OSTF1: variants seen among roughly 807,000 people sequenced by gnomAD.
OSTF1 encodes the protein osteoclast stimulating factor 1, also known as osteoclast-stimulating factor 1.
In OSTF1, 27 loss-of-function variants were observed where a neutral mutation model predicts 37.2. The observed-to-expected ratio is 0.73, with a 90% CI of 0.54 to 1.00. The LOEUF is 1.00. Ranked by LOEUF, OSTF1 falls within the 50% of genes least tolerant of loss-of-function variation. OSTF1 has a pLI of 0.00. For missense variants in OSTF1, 232 were observed against 253.8 expected (o/e 0.91, Z 0.58); for synonymous variants, 82 against 89.2 (o/e 0.92, Z 0.46).
At chr9:75,135,348 T>TA (rs201464611) in intron 7 of OSTF1, among the ~76,000 whole-genome samples, 2,640 of 152,328 alleles carry the variant, frequency 0.017, 85 homozygotes, top group African/African-American at 0.06. Flanking sequence ...CTTTTTCTCT[T>TA]GCTAAGAGTA....
intron 5 of OSTF1, among the ~76,000 whole-genome samples, chr9:75,132,496 A>G (rs535539105): frequency 6.8e-4 from 104 of 152,258 alleles, no homozygotes; most frequent in African/African-American, 2.4e-3. Context: ...TTTTGGGGAG[A>G]GGCAGGCGTT....
intron 9 of OSTF1, among the ~76,000 whole-genome samples, 165 bp from the exon 10 acceptor site, chr9:75,146,518 T>TTTGCTTTTCA (rs1826027341): frequency 2.0e-5 from 3 of 152,176 alleles, no homozygotes; most frequent in African/African-American, 4.8e-5. Context: ...AGAAACTTAA[T>TTTGCTTTTCA]GGTTAGGCTG....
intron 2 of OSTF1, among the ~76,000 whole-genome samples, chr9:75,126,651 T>C (rs943106034): frequency 2.0e-5 from 3 of 152,258 alleles, no homozygotes; most frequent in African/African-American, 7.2e-5. Context: ...TGGAGTGCAG[T>C]GGCGTGATCT....
At chr9:75,090,292 CAG>C (rs1168261575) in intron 1 of OSTF1, among the ~76,000 whole-genome samples, 16 of 122,258 alleles carry the variant, frequency 1.3e-4, no homozygotes, top group Non-Finnish European at 2.6e-4. Flanking sequence ...GGGACATTGA[CAG>C]GTGTGTGTGT....
rs1004588014 is a variant in OSTF1 at position 75,146,809 on chromosome 9, A to G, written c.*68A>G. On this transcript the variant is annotated 3_prime_UTR_variant, in exon 10 of 10. Transcript: ENST00000346234. ...GCCATTCCAAAACTTTGTCTTTGCC[A>G]GAAAAGTGTTGGTAACTATAAAGAA... 15 of 1,179,448 alleles carry G rather than the reference A, an allele frequency of 1.3e-5. No homozygotes were observed. In the African/African-American group the frequency reaches 2.2e-4, roughly 17 times the overall value. The allele number at this position is 1,179,448 out of a possible 1,614,324, so 73.1% of individuals were successfully genotyped here.
chr9:75,102,926 TC>T (rs1190531314), intron 1 of OSTF1, among the ~76,000 whole-genome samples: 4 of 152,196 alleles, frequency 2.6e-5, no homozygotes, highest in Non-Finnish European at 4.4e-5. Context: ...CAATTTTTTT[TC>T]ATGATGAAGT....
rs1230270203 is a variant in OSTF1, at chr9:75,115,641, TTTTG to T, written c.35-1859_35-1856del. On this transcript the variant is annotated intron_variant, in intron 1 of 9. Transcript: ENST00000346234. The stretch of plus-strand genomic sequence containing the variant: ...TTTATTAAAAGAGGACCCCCCCTTT[TTTTG>T]TTTTTTTTTTGTTTTTTGTTTTTTT... 8.4e-4 allele frequency among the ~76,000 whole-genome samples: 78 copies of T among 92,544 alleles called. 1 individual carries two copies. Among genetic ancestry groups the T allele is most frequent in the East Asian group, 7.1e-3 (29 of 4,070 alleles). The allele number at this position is 92,544 out of a possible 152,430, so 60.7% of individuals were successfully genotyped here.
intron 5 of OSTF1, among the ~76,000 whole-genome samples, chr9:75,132,962 TACACACACATACACACACACACAC>T (rs1216876937): frequency 2.0e-5 from 2 of 97,700 alleles, no homozygotes; most frequent in Non-Finnish European, 4.0e-5. Flanking sequence ...TATATACACA[TACACACACATACACACACACACAC>T]ACACACACAC....
At chr9:75,106,505 CATG>C (rs923935372) in intron 1 of OSTF1, among the ~76,000 whole-genome samples, 6 of 151,510 alleles carry the variant, frequency 4.0e-5, no homozygotes, top group Admixed American at 2.0e-4. Flanking sequence ...ATTAGCTGGA[CATG>C]GTGGTGGGGG....
intron 4 of OSTF1, 97 bp from the exon 5 acceptor site, chr9:75,131,673 A>G (rs1825762356): frequency 8.3e-6 from 7 of 839,224 alleles, no homozygotes; most frequent in South Asian, 2.7e-5. Context: ...ATGCCCTGGT[A>G]CTCCTGAAGC....
intron 9 of OSTF1, among the ~76,000 whole-genome samples, chr9:75,146,438 A>C (rs933890257): frequency 1.3e-5 from 2 of 152,216 alleles, no homozygotes; most frequent in Non-Finnish European, 2.9e-5. Context: ...TCTGTTGGAA[A>C]TGGATGCATG....
intron 8 of OSTF1, among the ~76,000 whole-genome samples, chr9:75,139,768 A>C (rs186345718): frequency 1.2e-4 from 19 of 152,348 alleles, no homozygotes; most frequent in African/African-American, 4.3e-4. Context: ...ATGAAAAAGG[A>C]GGTATTACAA....
At chr9:75,143,755 C>G (rs996556250) in intron 9 of OSTF1, among the ~76,000 whole-genome samples, 1 of 152,166 alleles carries the variant, frequency 6.6e-6, no homozygotes, top group African/African-American at 2.4e-5. Context: ...GGAAGGATGG[C>G]AGTGCTGCAG....
chr9:75,139,673 T>A (rs746482863), intron 8 of OSTF1, among the ~76,000 whole-genome samples: 1 of 152,254 alleles, frequency 6.6e-6, no homozygotes, highest in Non-Finnish European at 1.5e-5. Context: ...TCTGCCCGCC[T>A]TGGCCTCCTA....
At chr9:75,104,931 CCCA>C (rs1250370507) in intron 1 of OSTF1, among the ~76,000 whole-genome samples, 3 of 152,114 alleles carry the variant, frequency 2.0e-5, no homozygotes, top group Non-Finnish European at 4.4e-5. Flanking sequence ...CCTCAGTTTC[CCCA>C]GCTATAAAAT....
intron 1 of OSTF1, among the ~76,000 whole-genome samples, chr9:75,114,495 G>T (rs1825447000): frequency 6.6e-6 from 1 of 151,932 alleles, no homozygotes; most frequent in Non-Finnish European, 1.5e-5. Context: ...GTGAAGTTAT[G>T]TCAGACAGTA....
chr9:75,135,580 T>A (rs1479450398), intron 7 of OSTF1, among the ~76,000 whole-genome samples: 1 of 152,228 alleles, frequency 6.6e-6, no homozygotes, highest in African/African-American at 2.4e-5. Flanking sequence ...CCAGAGATAT[T>A]CTCACCTTTG....
chr9:75,109,204 G>C (rs964878328), intron 1 of OSTF1, among the ~76,000 whole-genome samples: 1 of 151,970 alleles, frequency 6.6e-6, no homozygotes, highest in African/African-American at 2.4e-5. Flanking sequence ...GTAGAGATGA[G>C]GTTTCACCGT....
At chr9:75,094,417 C>A (rs1825036266) in intron 1 of OSTF1, among the ~76,000 whole-genome samples, 4 of 149,768 alleles carry the variant, frequency 2.7e-5, no homozygotes, top group Admixed American at 1.3e-4. Context: ...GACTCAGAGA[C>A]TGTGATTGGG....
Sources: allele counts gnomAD v4.1 joint callset (sites outside exome capture counted in the v4.1 genomes callset), GRCh38; gene constraint gnomAD v4.1.1; transcripts MANE v1.5; gene names NCBI Gene and HGNC (gene_info 2026-07-23, HGNC 2026-07-21).